Variants in FBXW7 observed in about 807,000 individuals in gnomAD.
FBXW7 encodes F-box/WD repeat-containing protein 7.
Under a neutral mutation model 86.3 loss-of-function variants are expected in FBXW7, and 11 were observed. The ratio of observed to expected loss-of-function variants is 0.13; its 90% CI spans 0.08 to 0.21. The LOEUF (loss-of-function observed/expected upper bound fraction) is 0.21, where lower values mean the gene tolerates loss of function less well. FBXW7 is among the 10% of genes least tolerant of loss of function. FBXW7 has a pLI of 1.00. For missense variants in FBXW7, 488 were observed against 847.4 expected (o/e 0.58, Z 5.27); for synonymous variants, 313 against 297.9 (o/e 1.05, Z -0.52).
chr4:152,347,791 C>G (rs17028828), intron 5 of FBXW7, among the ~76,000 whole-genome samples: 16,761 of 151,846 alleles, frequency 0.11, 1,348 homozygotes, highest in East Asian at 0.28. Context: ...TCAATTCTGC[C>G]ACTAGTAAAA....
chr4:152,395,991 T>C (rs560117395), intron 4 of FBXW7, among the ~76,000 whole-genome samples: 1 of 152,140 alleles, frequency 6.6e-6, no homozygotes, highest in South Asian at 2.1e-4. Flanking sequence ...AACATGGCAA[T>C]ATCAAGACCC....
chr4:152,506,112 G>A (rs1747398885), intron 2 of FBXW7, among the ~76,000 whole-genome samples: 1 of 151,962 alleles, frequency 6.6e-6, no homozygotes, highest in Non-Finnish European at 1.5e-5. Context: ...TCAAGTATTA[G>A]GTACTGTACA....
At chr4:152,384,067 A>G (rs542916694) in intron 4 of FBXW7, among the ~76,000 whole-genome samples, 4 of 152,290 alleles carry the variant, frequency 2.6e-5, no homozygotes, top group South Asian at 2.1e-4. Context: ...ACCCTTGTGC[A>G]TCCTTGGCGG....
At chr4:152,397,651 A>G (rs1736530804) in intron 4 of FBXW7, among the ~76,000 whole-genome samples, 1 of 140,604 alleles carries the variant, frequency 7.1e-6, no homozygotes, top group South Asian at 2.2e-4. Flanking sequence ...TTACCTATTT[A>G]AGTTCCTGTA....
At chr4:152,348,697 T>C in intron 5 of FBXW7, 1 of 1,179,542 alleles carries the variant, frequency 8.5e-7, no homozygotes, top group Non-Finnish European at 1.1e-6. Flanking sequence ...TCAGCCATAT[T>C]AATAGAAGAC....
Position 152,452,700 on chromosome 4 carries a change from A to T in FBXW7, c.-119-40171T>A, listed in dbSNP as rs551328875. On this transcript the variant is annotated intron_variant, in intron 2 of 13. Transcript: ENST00000281708. ...TATATGTTTAACATAAAAAGAAATTATAAGAACAGCTTCTAAAACTCATCT... is the reference window on the plus strand; with the variant it reads ...TATATGTTTAACATAAAAAGAAATTTTAAGAACAGCTTCTAAAACTCATCT... 5.9e-5 allele frequency among the ~76,000 whole-genome samples: 9 copies of T among 152,366 alleles called. No individual in the cohort carries two copies. The South Asian group carries it at 1.9e-3, about 32-fold the overall frequency.
At chr4:152,476,209 A>T (rs1055416248) in intron 2 of FBXW7, among the ~76,000 whole-genome samples, 20 of 152,190 alleles carry the variant, frequency 1.3e-4, no homozygotes, top group African/African-American at 4.8e-4. Context: ...CAAAGGTAAA[A>T]AGGCAGTTCA....
intron 4 of FBXW7, among the ~76,000 whole-genome samples, chr4:152,409,828 T>TA (rs1238739012): frequency 6.6e-5 from 10 of 152,178 alleles, no homozygotes; most frequent in Admixed American, 2.6e-4. Context: ...CTTCTATGGT[T>TA]AGAGCCCAGT....
intron 2 of FBXW7, among the ~76,000 whole-genome samples, chr4:152,482,528 G>C (rs774179913): frequency 9.2e-5 from 14 of 152,140 alleles, no homozygotes; most frequent in African/African-American, 3.4e-4. Context: ...CCACTTCCTT[G>C]TTTTCTGGCT....
intron 2 of FBXW7, among the ~76,000 whole-genome samples, chr4:152,446,885 C>T (rs1741450088): frequency 6.6e-6 from 1 of 152,094 alleles, no homozygotes; most frequent in Admixed American, 6.5e-5. Context: ...TGACCGAATC[C>T]TAAATGATAT....
intron 6 of FBXW7, among the ~76,000 whole-genome samples, chr4:152,341,990 G>A (rs189180310): frequency 3.6e-4 from 55 of 152,042 alleles, no homozygotes; most frequent in African/African-American, 1.0e-3. Context: ...AAAGCAGAGT[G>A]TTGGATAATT....
intron 2 of FBXW7, among the ~76,000 whole-genome samples, chr4:152,522,739 A>G (rs1375621134): frequency 6.6e-6 from 1 of 152,178 alleles, no homozygotes; most frequent in African/African-American, 2.4e-5. Context: ...CACTGTTTCG[A>G]GCTTCTCATT....
chr4:152,353,485 A>G (rs984881849), intron 4 of FBXW7, among the ~76,000 whole-genome samples: 1 of 152,188 alleles, frequency 6.6e-6, no homozygotes, highest in African/African-American at 2.4e-5. Context: ...ATCAATTCTT[A>G]CTAATCATAA....
At chr4:152,338,203 A>G (rs1250160996) in intron 6 of FBXW7, 6 of 234,496 alleles carry the variant, frequency 2.6e-5, no homozygotes, top group Middle Eastern at 1.3e-3. Context: ...TAATAGTTAT[A>G]TGTTCATCTA....
rs1730319982 is a variant in FBXW7 at position 152,337,947 on chromosome 4, G to T, written c.727-11C>A. 9 of 1,587,746 alleles carry T rather than the reference G, an allele frequency of 5.7e-6. No homozygotes were observed. The African/African-American group carries it at 8.2e-5, about 14-fold the overall frequency. The stretch of plus-strand genomic sequence containing the variant: ...TGGTCCACTCCAGCTCTATCAAAGA[G>T]AATTAGAAATTTTTATTGTTTTAAC... On this transcript the variant is annotated splice_polypyrimidine_tract_variant and intron_variant, in intron 6 of 13. Transcript: ENST00000281708.
intron 4 of FBXW7, among the ~76,000 whole-genome samples, chr4:152,369,981 A>AGTTAT (rs1170466976): frequency 6.6e-6 from 1 of 152,026 alleles, no homozygotes; most frequent in African/African-American, 2.4e-5. Context: ...AGCAAGATAT[A>AGTTAT]GTTATGTTAT....
At chr4:152,504,213 A>G (rs1009120906) in intron 2 of FBXW7, among the ~76,000 whole-genome samples, 6 of 152,214 alleles carry the variant, frequency 3.9e-5, no homozygotes, top group Non-Finnish European at 8.8e-5. Context: ...TAAAATAAAA[A>G]GAAACTGGAA....
At chr4:152,506,700 A>G (rs1355024847) in intron 2 of FBXW7, among the ~76,000 whole-genome samples, 1 of 152,232 alleles carries the variant, frequency 6.6e-6, no homozygotes, top group African/African-American at 2.4e-5. Context: ...AACAATTTAA[A>G]TGAAACGTAT....
chr4:152,473,972 C>T (rs1286667286), intron 2 of FBXW7, among the ~76,000 whole-genome samples: 1 of 152,024 alleles, frequency 6.6e-6, no homozygotes, highest in Non-Finnish European at 1.5e-5. Flanking sequence ...TAAGGGAAAC[C>T]TCCCCAGGGG....
Sources: gnomAD v4.1 joint callset for allele counts (sites outside exome capture counted in the v4.1 genomes callset) on GRCh38, gnomAD v4.1.1 for gene constraint, MANE v1.5 for transcripts, NCBI Gene and HGNC (gene_info 2026-07-23, HGNC 2026-07-21) for gene names.